Variants in IGF2BP2 observed in about 807,000 individuals in gnomAD.
IGF2BP2 encodes insulin like growth factor 2 mRNA binding protein 2, also known as insulin-like growth factor 2 mRNA-binding protein 2.
Under a neutral mutation model 75.8 loss-of-function variants are expected in IGF2BP2, and 17 were observed. The observed-to-expected ratio is 0.22, with a 90% CI of 0.15 to 0.34. The LOEUF (loss-of-function observed/expected upper bound fraction) is 0.34. Among genes scored for constraint, IGF2BP2 ranks in the 10% least tolerant of loss-of-function variants. The pLI, the probability that IGF2BP2 is intolerant of heterozygous loss-of-function variation, is 1.00. For synonymous variants in IGF2BP2, 288 were observed against 295.6 expected, an observed-to-expected ratio of 0.97 and a Z score of 0.26; for missense variants, 516 against 772.4, an observed-to-expected ratio of 0.67 and a Z score of 3.93.
At chr3:185,771,966 A>G (rs1455870154) in intron 2 of IGF2BP2, among the ~76,000 whole-genome samples, 1 of 152,188 alleles carries the variant, frequency 6.6e-6, no homozygotes, top group Non-Finnish European at 1.5e-5. Flanking sequence ...TGGTTAGGTC[A>G]GAAGTAGGCA....
At chr3:185,747,743 T>G (rs1470352219) in intron 2 of IGF2BP2, among the ~76,000 whole-genome samples, 1 of 152,048 alleles carries the variant, frequency 6.6e-6, no homozygotes, top group Admixed American at 6.5e-5. Context: ...CAATGACTAT[T>G]TGGTTTCTTT....
intron 2 of IGF2BP2, among the ~76,000 whole-genome samples, chr3:185,720,088 G>C (rs1726279527): frequency 1.3e-5 from 2 of 152,208 alleles, no homozygotes; most frequent in African/African-American, 4.8e-5. Context: ...CCATCAACAA[G>C]GAGCTTGTGG....
At chr3:185,731,246 C>CTTTTT (rs760172663) in intron 2 of IGF2BP2, among the ~76,000 whole-genome samples, 4 of 129,254 alleles carry the variant, frequency 3.1e-5, no homozygotes, top group African/African-American at 1.1e-4. Flanking sequence ...GCATCACTTT[C>CTTTTT]TTTTTTTTTT....
chr3:185,677,058 TATATATATATAGAGAGAGAGAGAGAG>T (rs1719601553), intron 7 of IGF2BP2, among the ~76,000 whole-genome samples: 1 of 54,560 alleles, frequency 1.8e-5, no homozygotes, highest in East Asian at 4.5e-4. Flanking sequence ...TATATATATA[TATATATATATAGAGAGAGAGAGAGAG>T]AGAGAGAGAG....
chr3:185,690,010 C>T (rs985596833), intron 5 of IGF2BP2, among the ~76,000 whole-genome samples: 3 of 151,788 alleles, frequency 2.0e-5, no homozygotes, highest in African/African-American at 7.2e-5. Flanking sequence ...AAGACTGGTT[C>T]ATTCACTCCC....
At chr3:185,680,031 T>C (rs1720141317) in intron 7 of IGF2BP2, among the ~76,000 whole-genome samples, 1 of 152,094 alleles carries the variant, frequency 6.6e-6, no homozygotes, top group Non-Finnish European at 1.5e-5. Flanking sequence ...AGTTGGTTCT[T>C]TGAAAAGATC....
At chr3:185,691,058 A>C (rs1209274781) in intron 5 of IGF2BP2, among the ~76,000 whole-genome samples, 1 of 152,202 alleles carries the variant, frequency 6.6e-6, no homozygotes, top group African/African-American at 2.4e-5. Flanking sequence ...ACAAATGTGT[A>C]CAAGGTAAAG....
At chr3:185,693,619 C>CT (rs1328150487) in intron 4 of IGF2BP2, among the ~76,000 whole-genome samples, 1 of 152,102 alleles carries the variant, frequency 6.6e-6, no homozygotes, top group Non-Finnish European at 1.5e-5. Context: ...AATTTCTTGC[C>CT]TCTTCTTCTA....
At chr3:185,674,559 A>T in intron 9 of IGF2BP2, among the ~76,000 whole-genome samples, 1 of 152,234 alleles carries the variant, frequency 6.6e-6, no homozygotes, top group East Asian at 1.9e-4. Context: ...ACAAATATAC[A>T]GTAAAGGCTC....
intron 2 of IGF2BP2, among the ~76,000 whole-genome samples, chr3:185,740,374 AAC>A (rs1294717815): frequency 6.6e-6 from 1 of 152,326 alleles, no homozygotes; most frequent in Non-Finnish European, 1.5e-5. Context: ...TGAAATCAAT[AAC>A]ACACAGTTTC....
chr3:185,820,216 G>GTGTGTGTGTA (rs1553899716), intron 2 of IGF2BP2, among the ~76,000 whole-genome samples: 1 of 131,754 alleles, frequency 7.6e-6, no homozygotes, highest in African/African-American at 3.4e-5. Flanking sequence ...GTGTGTGTGT[G>GTGTGTGTGTA]TATGTGTATA....
At chr3:185,716,275 C>T (rs570711914) in intron 2 of IGF2BP2, among the ~76,000 whole-genome samples, 1 of 152,228 alleles carries the variant, frequency 6.6e-6, no homozygotes, top group Admixed American at 6.5e-5. Context: ...GATTCCTCTG[C>T]CCAGCATATT....
At chr3:185,799,443 G>A (rs562449857) in intron 2 of IGF2BP2, among the ~76,000 whole-genome samples, 1 of 151,870 alleles carries the variant, frequency 6.6e-6, no homozygotes, top group East Asian at 2.0e-4. Flanking sequence ...CAGTTAGAAT[G>A]GTGATCATTA....
chr3:185,677,068 T>TAGAGAGAGAGAGAG (rs71164535), intron 7 of IGF2BP2, among the ~76,000 whole-genome samples: 27 of 35,852 alleles, frequency 7.5e-4, no homozygotes, highest in African/African-American at 2.0e-3. Context: ...TATATATATA[T>TAGAGAGAGAGAGAG]AGAGAGAGAG....
At chr3:185,731,342 G>A (rs1051481542) in intron 2 of IGF2BP2, among the ~76,000 whole-genome samples, 8 of 151,744 alleles carry the variant, frequency 5.3e-5, no homozygotes, top group African/African-American at 1.9e-4. Flanking sequence ...CGCCTCCTGG[G>A]TTCCAGTGAT....
At chr3:185,774,755 G>A (rs1340617774) in intron 2 of IGF2BP2, among the ~76,000 whole-genome samples, 2 of 152,242 alleles carry the variant, frequency 1.3e-5, no homozygotes, top group African/African-American at 2.4e-5. Flanking sequence ...TGTAATCCCA[G>A]CACTTTGGGA....
intron 2 of IGF2BP2, among the ~76,000 whole-genome samples, chr3:185,817,407 A>T (rs1740750399): frequency 6.6e-6 from 1 of 152,220 alleles, no homozygotes; most frequent in South Asian, 2.1e-4. Flanking sequence ...AAACCAAATT[A>T]AAGAAATAAT....
At chr3:185,694,699 G>A (rs1722358294) in intron 4 of IGF2BP2, among the ~76,000 whole-genome samples, 1 of 152,188 alleles carries the variant, frequency 6.6e-6, no homozygotes, top group South Asian at 2.1e-4. Flanking sequence ...TTCTTGCGTA[G>A]CATTGTCCTC....
intron 10 of IGF2BP2, among the ~76,000 whole-genome samples, chr3:185,666,510 T>C (rs1308242036): frequency 6.6e-6 from 1 of 152,112 alleles, no homozygotes; most frequent in Non-Finnish European, 1.5e-5. Flanking sequence ...GGTGGGCATC[T>C]GTAATCCCAG....
Sources: gnomAD v4.1 joint callset for allele counts (sites outside exome capture counted in the v4.1 genomes callset) on GRCh38, gnomAD v4.1.1 for gene constraint, MANE v1.5 for transcripts, NCBI Gene and HGNC (gene_info 2026-07-23, HGNC 2026-07-21) for gene names.